The following RASAL2 variants were observed in gnomAD, a reference collection of about 807,000 sequenced individuals.
RASAL2 encodes ras GTPase-activating protein nGAP.
A neutral mutation model predicts 128.9 loss-of-function variants in RASAL2; 58 were observed. That is an observed-to-expected ratio of 0.45 (90% CI 0.36 to 0.56). RASAL2 has a LOEUF of 0.56. Among genes scored for constraint, RASAL2 ranks in the 20% least tolerant of loss-of-function variants. The pLI, the probability that RASAL2 is intolerant of heterozygous loss-of-function variation, is 0.00. For missense variants in RASAL2, 1,360 were observed against 1,601.6 expected (o/e 0.85, Z 2.57); for synonymous variants, 561 against 580.8 (o/e 0.97, Z 0.49).
intron 1 of RASAL2, among the ~76,000 whole-genome samples, chr1:178,162,818 C>G (rs1288466215): frequency 2.0e-5 from 3 of 151,376 alleles, no homozygotes; most frequent in African/African-American, 7.3e-5. Flanking sequence ...GAACTCCTGA[C>G]CTTAGGTGAT....
At chr1:178,450,747 T>C (rs1404835915) in intron 9 of RASAL2, among the ~76,000 whole-genome samples, 1 of 152,154 alleles carries the variant, frequency 6.6e-6, no homozygotes, top group Non-Finnish European at 1.5e-5. Flanking sequence ...CTGATAAATA[T>C]TTATTGAGCA....
intron 1 of RASAL2, among the ~76,000 whole-genome samples, chr1:178,266,460 T>C (rs921408039): frequency 6.6e-6 from 1 of 152,230 alleles, no homozygotes; most frequent in Non-Finnish European, 1.5e-5. Flanking sequence ...CATTTACACT[T>C]GGTTTTACTG....
At chr1:178,279,027 T>G (rs2902217) in intron 1 of RASAL2, among the ~76,000 whole-genome samples, 4 of 152,062 alleles carry the variant, frequency 2.6e-5, no homozygotes, top group Non-Finnish European at 4.4e-5. Context: ...TATTAGCATT[T>G]GAAGGAGCCC....
At chr1:178,334,563 G>C (rs548197080) in intron 3 of RASAL2, among the ~76,000 whole-genome samples, 1 of 151,898 alleles carries the variant, frequency 6.6e-6, no homozygotes, top group South Asian at 2.1e-4. Context: ...GGCTGGTCTC[G>C]AACTCCTGAC....
At chr1:178,101,929 A>C (rs556991784) in intron 1 of RASAL2, among the ~76,000 whole-genome samples, 2 of 152,336 alleles carry the variant, frequency 1.3e-5, no homozygotes, top group East Asian at 3.9e-4. Context: ...TTACCTAGGT[A>C]ACAGAAAACA....
At chr1:178,466,271 T>C in intron 16 of RASAL2, 149 bp downstream of exon 16, 1 of 683,782 alleles carries the variant, frequency 1.5e-6, no homozygotes, top group Non-Finnish European at 2.3e-6. Context: ...TCTCTTAAAA[T>C]ATCCTAAATA....
chr1:178,439,287 A>AT, intron 5 of RASAL2, 135 bp from the exon 6 acceptor site: 1 of 722,678 alleles, frequency 1.4e-6, no homozygotes, highest in Non-Finnish European at 2.2e-6. Context: ...GTTACTGTAG[A>AT]TTAACTATTA....
At chr1:178,428,809 CCAGTTACAGG>C (rs1469701554) in intron 5 of RASAL2, among the ~76,000 whole-genome samples, 3 of 152,074 alleles carry the variant, frequency 2.0e-5, no homozygotes, top group Admixed American at 2.0e-4. Flanking sequence ...CCCAGCCAAA[CCAGTTACAGG>C]CAGTCTGCCT....
intron 3 of RASAL2, among the ~76,000 whole-genome samples, chr1:178,369,329 C>A (rs933454973): frequency 1.3e-5 from 2 of 152,118 alleles, no homozygotes; most frequent in African/African-American, 2.4e-5. Context: ...TCAAGCAATT[C>A]TCCTGCCTCA....
intron 1 of RASAL2, among the ~76,000 whole-genome samples, chr1:178,104,078 A>G (rs1361961054): frequency 1.3e-5 from 2 of 152,112 alleles, no homozygotes; most frequent in Non-Finnish European, 2.9e-5. Context: ...AGGTTATGAA[A>G]TAATTCTCTC....
intron 1 of RASAL2, among the ~76,000 whole-genome samples, chr1:178,198,858 G>A (rs1662765318): frequency 6.6e-6 from 1 of 152,194 alleles, no homozygotes; most frequent in South Asian, 2.1e-4. Context: ...AGAGCTGTCA[G>A]ACAGGAACGT....
chr1:178,258,097 G>A (rs964037864), intron 1 of RASAL2, among the ~76,000 whole-genome samples: 4 of 151,576 alleles, frequency 2.6e-5, no homozygotes, highest in African/African-American at 7.3e-5. Context: ...GATGGGAGAC[G>A]ATCCTGGCTA....
intron 1 of RASAL2, among the ~76,000 whole-genome samples, chr1:178,183,918 AC>A (rs1662203378): frequency 6.6e-6 from 1 of 152,184 alleles, no homozygotes; most frequent in African/African-American, 2.4e-5. Context: ...TTGCATTCTT[AC>A]CAGCAATGAA....
At chr1:178,352,407 A>G (rs1182974179) in intron 3 of RASAL2, among the ~76,000 whole-genome samples, 1 of 152,198 alleles carries the variant, frequency 6.6e-6, no homozygotes, top group East Asian at 1.9e-4. Flanking sequence ...CTTTGACTCC[A>G]TTTCCTACAT....
In RASAL2 at chr1:178,242,423, TTCTC is replaced by T. The variant is rs58914415; in HGVS notation, c.203-41085_203-41082del. On this transcript the variant is annotated intron_variant, in intron 1 of 17. Coordinates refer to ENST00000367649, the MANE Select transcript of RASAL2 (RefSeq NM_170692.4). ...TGCTAATGACAATTTTTATAATTCA[TTCTC>T]TCTCTCTCTCTCTCTCTCTCTCTCT... is the stretch of plus-strand genomic sequence containing the variant. 3.1e-3 allele frequency among the ~76,000 whole-genome samples: 260 copies of T among 85,170 alleles called. 1 individual carries two copies. The highest frequency in any genetic ancestry group is 6.5e-3 in the South Asian group (13 of 2,000). The allele number at this position is 85,170 out of a possible 152,430, so 55.9% of individuals were successfully genotyped here. A position where few individuals can be genotyped will look rare whatever the true frequency, so the allele number is the denominator to read the frequency against.
chr1:178,162,572 A>ATATATATAATATATATTT (rs1661366182), intron 1 of RASAL2, among the ~76,000 whole-genome samples: 1 of 135,182 alleles, frequency 7.4e-6, no homozygotes, highest in Admixed American at 8.5e-5. Context: ...TTTATATAAA[A>ATATATATAATATATATTT]TATATATAAT....
At chr1:178,204,165 A>G (rs1662963073) in intron 1 of RASAL2, among the ~76,000 whole-genome samples, 1 of 152,232 alleles carries the variant, frequency 6.6e-6, no homozygotes, top group Non-Finnish European at 1.5e-5. Flanking sequence ...TCTTCATTGT[A>G]TCGGCATTTA....
At chr1:178,398,129 T>A (rs1673366041) in intron 4 of RASAL2, among the ~76,000 whole-genome samples, 1 of 152,156 alleles carries the variant, frequency 6.6e-6, no homozygotes, top group Non-Finnish European at 1.5e-5. Flanking sequence ...CAGTTTTTTT[T>A]AGTTAATCGT....
intron 1 of RASAL2, among the ~76,000 whole-genome samples, chr1:178,230,262 C>T (rs140059689): frequency 2.0e-5 from 3 of 152,210 alleles, no homozygotes; most frequent in Admixed American, 2.0e-4. Context: ...CTGCTGTGAA[C>T]ATTTAGGTAC....
Sources: allele counts gnomAD v4.1 joint callset (sites outside exome capture counted in the v4.1 genomes callset), GRCh38; gene constraint gnomAD v4.1.1; transcripts MANE v1.5; gene names NCBI Gene and HGNC (gene_info 2026-07-23, HGNC 2026-07-21).